BICC1: variants seen among roughly 807,000 people sequenced by gnomAD.
BICC1 encodes the protein BicC family RNA binding protein 1.
In BICC1, 43 loss-of-function variants were observed where a neutral mutation model predicts 111.0. The observed-to-expected ratio is 0.39, with a 90% CI of 0.30 to 0.50. The LOEUF is 0.50. Ranked by LOEUF, BICC1 falls within the 20% of genes least tolerant of loss-of-function variation. The probability of loss-of-function intolerance (pLI) is 0.88; values close to 1 mark genes in which losing one functional copy is unlikely to be tolerated. For synonymous variants in BICC1, 467 were observed against 434.4 expected, an observed-to-expected ratio of 1.07 and a Z score of -0.93; for missense variants, 1,091 against 1,203.2, an observed-to-expected ratio of 0.91 and a Z score of 1.38.
intron 19 of BICC1, 64 bp from the exon 20 acceptor site, chr10:58,820,305 C>A: frequency 9.1e-7 from 1 of 1,098,790 alleles, no homozygotes; most frequent in South Asian, 1.3e-5. Flanking sequence ...ACAAGTTGAT[C>A]CTACAGTGGG....
chr10:58,731,000 CT>C (rs1175678392), intron 3 of BICC1, among the ~76,000 whole-genome samples: 1 of 152,176 alleles, frequency 6.6e-6, no homozygotes, highest in African/African-American at 2.4e-5. Context: ...TTTTTCCAAA[CT>C]TTTATGTTGT....
intron 2 of BICC1, among the ~76,000 whole-genome samples, chr10:58,660,793 A>G (rs1373061575): frequency 2.0e-5 from 3 of 152,188 alleles, no homozygotes; most frequent in African/African-American, 7.2e-5. Flanking sequence ...AGGAGAGAAA[A>G]GGGAAAGAGA....
At chr10:58,562,136 A>G (rs1320848692) in intron 1 of BICC1, among the ~76,000 whole-genome samples, 1 of 152,122 alleles carries the variant, frequency 6.6e-6, no homozygotes, top group Non-Finnish European at 1.5e-5. Flanking sequence ...TTTTTGAGCT[A>G]TCGTATCTTT....
intron 2 of BICC1, among the ~76,000 whole-genome samples, chr10:58,671,190 A>G (rs1394701039): frequency 2.0e-5 from 3 of 152,212 alleles, no homozygotes; most frequent in African/African-American, 7.2e-5. Flanking sequence ...AGTTGGGATT[A>G]GAATTGTCTG....
Position 58,791,104 on chromosome 10 carries a change from C to T in BICC1, c.1047+1171C>T, listed in dbSNP as rs73296747. Among the ~76,000 whole-genome samples, 856 of 152,134 alleles carry T rather than the reference C, an allele frequency of 5.6e-3. 12 individuals are homozygous for T. The highest frequency in any genetic ancestry group is 0.02 in the African/African-American group (822 of 41,512). ...TTGGAATCAGTAAGATTGTAATCCA[C>T]GATTTTAAGAAATTTGTCATGATTT... On this transcript the variant is annotated intron_variant, in intron 8 of 20. Coordinates refer to ENST00000373886, the MANE Select transcript of BICC1 (RefSeq NM_001080512.3).
At chr10:58,747,564 A>C (rs1037409197) in intron 3 of BICC1, among the ~76,000 whole-genome samples, 2 of 152,116 alleles carry the variant, frequency 1.3e-5, no homozygotes, top group Non-Finnish European at 2.9e-5. Context: ...GAATGATTAA[A>C]TCAAACTAAC....
At chr10:58,607,582 C>A (rs971654512) in intron 1 of BICC1, among the ~76,000 whole-genome samples, 1 of 151,958 alleles carries the variant, frequency 6.6e-6, no homozygotes, top group Admixed American at 6.6e-5. Context: ...CATTCTCTTT[C>A]CCACTCCTCC....
chr10:58,656,013 G>T (rs536804114), intron 2 of BICC1, among the ~76,000 whole-genome samples: 2 of 151,970 alleles, frequency 1.3e-5, no homozygotes, highest in Admixed American at 1.3e-4. Flanking sequence ...TGATAAAGGG[G>T]ATATCACCAC....
intron 1 of BICC1, among the ~76,000 whole-genome samples, chr10:58,570,049 A>T (rs899544985): frequency 6.6e-6 from 1 of 152,130 alleles, no homozygotes. Context: ...TCTCTCCATC[A>T]TCTGTTGTTT....
chr10:58,801,548 ATAAC>A (rs139645321), intron 14 of BICC1, among the ~76,000 whole-genome samples: 3,312 of 152,228 alleles, frequency 0.022, 110 homozygotes, highest in African/African-American at 0.075. Context: ...AATATTAAAT[ATAAC>A]TCTTCCTTAC....
chr10:58,796,777 GT>G (rs1443411812), intron 10 of BICC1, among the ~76,000 whole-genome samples: 2 of 152,068 alleles, frequency 1.3e-5, no homozygotes, highest in Non-Finnish European at 2.9e-5. Context: ...CGGTGGCTGT[GT>G]TTGTTCTAAA....
At chr10:58,597,113 T>C (rs1359389407) in intron 1 of BICC1, among the ~76,000 whole-genome samples, 2 of 152,150 alleles carry the variant, frequency 1.3e-5, no homozygotes, top group Non-Finnish European at 2.9e-5. Context: ...CTATTTTCTA[T>C]AAGTGTCAGC....
At chr10:58,724,737 G>T (rs910070226) in intron 3 of BICC1, among the ~76,000 whole-genome samples, 1 of 152,204 alleles carries the variant, frequency 6.6e-6, no homozygotes, top group East Asian at 1.9e-4. Flanking sequence ...GGGGACACTG[G>T]CTTACAGACT....
intron 2 of BICC1, among the ~76,000 whole-genome samples, chr10:58,657,134 T>C (rs1233296613): frequency 6.6e-6 from 1 of 152,138 alleles, no homozygotes; most frequent in African/African-American, 2.4e-5. Context: ...ACCTGAATGC[T>C]CTCCTACTAT....
chr10:58,641,491 G>C (rs1838122699), intron 2 of BICC1, among the ~76,000 whole-genome samples: 1 of 151,434 alleles, frequency 6.6e-6, no homozygotes, highest in African/African-American at 2.4e-5. Context: ...TGCTTTCCTG[G>C]AACAAACACT....
intron 2 of BICC1, among the ~76,000 whole-genome samples, chr10:58,639,145 A>G (rs1438028544): frequency 2.0e-5 from 3 of 152,124 alleles, no homozygotes; most frequent in Admixed American, 1.3e-4. Flanking sequence ...TTAACTAGTC[A>G]CCATGTTGTA....
In BICC1 at chr10:58,693,722, T is replaced by C. The variant is rs7909794; in HGVS notation, c.238-8352T>C. On this transcript the variant is annotated intron_variant, in intron 2 of 20. Transcript: ENST00000373886. ...TTGATGGGGTTGTTTGTTTTTTTCT[T>C]GTAAATTTGTTTGAGTTCACTGTAG... Among the ~76,000 whole-genome samples the C allele has an allele frequency of 8.7e-3, 1,324 of 152,286 alleles. 18 individuals are homozygous for C. The highest frequency in any genetic ancestry group is 0.03 in the African/African-American group (1,262 of 41,548).
intron 2 of BICC1, among the ~76,000 whole-genome samples, chr10:58,634,398 G>A (rs1837892380): frequency 1.3e-5 from 2 of 152,218 alleles, no homozygotes; most frequent in Non-Finnish European, 2.9e-5. Context: ...TTAATCTAGA[G>A]CACCATTCTT....
intron 9 of BICC1, among the ~76,000 whole-genome samples, chr10:58,794,021 G>A (rs966063784): frequency 3.3e-5 from 5 of 152,182 alleles, no homozygotes; most frequent in African/African-American, 7.2e-5. Flanking sequence ...CTTTATATAT[G>A]TGTTGGTTTT....
Sources: allele counts gnomAD v4.1 joint callset (sites outside exome capture counted in the v4.1 genomes callset), GRCh38; gene constraint gnomAD v4.1.1; transcripts MANE v1.5; gene names NCBI Gene and HGNC (gene_info 2026-07-23, HGNC 2026-07-21).